The following BRF1 variants were observed in gnomAD, a reference collection of about 807,000 sequenced individuals.
BRF1 encodes the protein transcription factor IIIB 90 kDa subunit.
A neutral mutation model predicts 81.7 loss-of-function variants in BRF1; 59 were observed. The ratio of observed to expected loss-of-function variants is 0.72; its 90% CI spans 0.59 to 0.90. The LOEUF (loss-of-function observed/expected upper bound fraction) is 0.90. BRF1 is among the 40% of genes least tolerant of loss of function. BRF1 has a pLI of 0.00. For synonymous variants in BRF1, 491 were observed against 395.6 expected, an observed-to-expected ratio of 1.24 and a Z score of -2.86; for missense variants, 1,050 against 936.3, an observed-to-expected ratio of 1.12 and a Z score of -1.58.
chr14:105,262,001 C>T (rs777957029), intron 3 of BRF1, among the ~76,000 whole-genome samples: 13 of 152,254 alleles, frequency 8.5e-5, no homozygotes, highest in Non-Finnish European at 1.9e-4. Flanking sequence ...ACACACGGCC[C>T]GGCCGAAGCT....
At chr14:105,311,725 C>T (rs1251374391) in intron 1 of BRF1, among the ~76,000 whole-genome samples, 7 of 152,192 alleles carry the variant, frequency 4.6e-5, no homozygotes, top group Non-Finnish European at 1.0e-4. Context: ...TCCACAGGTG[C>T]GGCTGCGGGT....
chr14:105,248,045 C>T, intron 5 of BRF1: 2 of 985,514 alleles, frequency 2.0e-6, no homozygotes, highest in Non-Finnish European at 2.4e-6. Context: ...GCCCACCCGC[C>T]GGCTGTGTGA....
At chr14:105,216,738 C>T (rs1891377334) in intron 15 of BRF1, among the ~76,000 whole-genome samples, 1 of 152,242 alleles carries the variant, frequency 6.6e-6, no homozygotes, top group African/African-American at 2.4e-5. Context: ...AGCACTGCCC[C>T]ACAGGCGGAA....
intron 3 of BRF1, among the ~76,000 whole-genome samples, chr14:105,272,467 C>T (rs956443919): frequency 5.3e-5 from 8 of 152,198 alleles, no homozygotes; most frequent in Non-Finnish European, 1.0e-4. Flanking sequence ...TCTCAGGCAC[C>T]GACAGAACCC....
rs78778888 is a variant in BRF1, at chr14:105,251,963, G to A, written c.544+544C>T. Among the ~76,000 whole-genome samples the A allele has an allele frequency of 5.3e-4, 80 of 152,120 alleles. 3 individuals are homozygous for A. The East Asian group carries it at 0.015, about 28-fold the overall frequency. On this transcript the variant is annotated intron_variant, in intron 5 of 17. Coordinates refer to ENST00000547530, the MANE Select transcript of BRF1 (RefSeq NM_001519.4). ...GTTCCACAAACTCGCACACAACACA[G>A]AACAAAAGTGGCAGAAAAACCACAA...
intron 1 of BRF1, among the ~76,000 whole-genome samples, chr14:105,298,582 C>T (rs1344314279): frequency 1.3e-5 from 2 of 152,206 alleles, no homozygotes; most frequent in Non-Finnish European, 2.9e-5. Flanking sequence ...AGGCCAGGTG[C>T]GGTGGCTCGC....
intron 3 of BRF1, among the ~76,000 whole-genome samples, chr14:105,259,106 C>T (rs1349674370): frequency 6.6e-6 from 1 of 152,168 alleles, no homozygotes. Flanking sequence ...ACACACACCT[C>T]TGACCCACCT....
At chr14:105,228,991 G>A (rs1595328809) in intron 6 of BRF1, 78 bp from the exon 7 acceptor site, 6 of 1,303,740 alleles carry the variant, frequency 4.6e-6, no homozygotes, top group Non-Finnish European at 6.6e-6. Flanking sequence ...GGACAACACT[G>A]CGGATCCCGG....
intron 1 of BRF1, among the ~76,000 whole-genome samples, chr14:105,314,065 A>G (rs1298323822): frequency 6.6e-6 from 1 of 152,260 alleles, no homozygotes; most frequent in Admixed American, 6.5e-5. Flanking sequence ...GGTCATCTGG[A>G]GCCCTGGAGG....
intron 1 of BRF1, among the ~76,000 whole-genome samples, chr14:105,288,250 C>T (rs587751759): frequency 2.0e-5 from 3 of 151,636 alleles, no homozygotes; most frequent in African/African-American, 2.4e-5. Flanking sequence ...GTCAGGAGAT[C>T]GAGACCATCT....
chr14:105,252,156 C>A (rs1037964702), intron 5 of BRF1, among the ~76,000 whole-genome samples: 1 of 152,202 alleles, frequency 6.6e-6, no homozygotes, highest in South Asian at 2.1e-4. Flanking sequence ...CAGGCACTGA[C>A]AACAGGCCTT....
chr14:105,227,701 G>C (rs1324905931), intron 7 of BRF1: 1 of 152,454 alleles, frequency 6.6e-6, no homozygotes, highest in African/African-American at 2.4e-5. Flanking sequence ...CGGGCAGGAA[G>C]GGGCCCTGCA....
chr14:105,228,704 C>G, intron 7 of BRF1, 116 bp downstream of exon 7: 1 of 1,197,180 alleles, frequency 8.4e-7, no homozygotes, highest in Middle Eastern at 2.1e-4. Flanking sequence ...TCCTGGCCAG[C>G]AGCCAGGCGG....
intron 15 of BRF1, among the ~76,000 whole-genome samples, chr14:105,215,211 G>GAC (rs201018880): frequency 6.6e-6 from 1 of 151,382 alleles, no homozygotes; most frequent in Non-Finnish European, 1.5e-5. Context: ...AGAGACTTAA[G>GAC]ACACACACAC....
upstream of BRF1, among the ~76,000 whole-genome samples, chr14:105,305,013 G>A (rs587742779): frequency 2.6e-5 from 4 of 152,310 alleles, no homozygotes; most frequent in South Asian, 2.1e-4. Context: ...ATATGTTGAC[G>A]TCCTTGCCCC....
chr14:105,257,018 G>T (rs587626596), intron 3 of BRF1, among the ~76,000 whole-genome samples: 1 of 152,118 alleles, frequency 6.6e-6, no homozygotes, highest in Non-Finnish European at 1.5e-5. Context: ...CAGTCCTCCC[G>T]AGAGACAGAA....
At chr14:105,304,792 GGA>G (rs753872852), upstream of BRF1, among the ~76,000 whole-genome samples, 91 of 152,326 alleles carry the variant, frequency 6.0e-4, no homozygotes, top group African/African-American at 1.8e-3. Flanking sequence ...ATGGCAGCAG[GGA>G]GAGAGAGAGC....
intron 6 of BRF1, among the ~76,000 whole-genome samples, chr14:105,229,474 T>G (rs1490435337): frequency 6.6e-6 from 1 of 152,156 alleles, no homozygotes; most frequent in Non-Finnish European, 1.5e-5. Flanking sequence ...AGGGCCCGGA[T>G]GAGGAGTGAG....
At chr14:105,212,091 C>T (rs1200911812) in intron 16 of BRF1, 22 bp downstream of exon 16, 76 of 1,611,374 alleles carry the variant, frequency 4.7e-5, no homozygotes, top group Non-Finnish European at 6.3e-5. Context: ...TCTCCCTGCC[C>T]TGGCTGCGTG....
Sources: gnomAD v4.1 joint callset for allele counts (sites outside exome capture counted in the v4.1 genomes callset) on GRCh38, gnomAD v4.1.1 for gene constraint, MANE v1.5 for transcripts, NCBI Gene and HGNC (gene_info 2026-07-23, HGNC 2026-07-21) for gene names.